C13orf42: variants seen among roughly 807,000 people sequenced by gnomAD.
The protein encoded by C13orf42 is chromosome 13 open reading frame 42, also known as uncharacterized protein C13orf42.
chr13:51,109,533 G>A lies in C13orf42; in HGVS notation c.414+1263C>T, dbSNP rs540300790. Among the ~76,000 whole-genome samples the A allele has an allele frequency of 3.9e-5, 6 of 152,154 alleles. No homozygotes were observed. The South Asian group carries it at 8.3e-4, about 21-fold the overall frequency. ...GGAGACCAAGGCGGGAGGACTGCTT[G>A]AGGTCAGGAGTTTGAGACCAGCCTG... On this transcript the variant is annotated intron_variant, in intron 1 of 3. Coordinates refer to ENST00000563710, the MANE Select transcript of C13orf42 (RefSeq NM_001351589.3).
chr13:51,135,946 C>T (rs574620804), intron 1 of C13orf42, among the ~76,000 whole-genome samples: 6 of 152,206 alleles, frequency 3.9e-5, no homozygotes, highest in East Asian at 1.9e-4. Context: ...GTCACACAGG[C>T]GACAGAAGAG....
At chr13:51,133,408 A>C (rs1408634350) in intron 1 of C13orf42, among the ~76,000 whole-genome samples, 2 of 152,234 alleles carry the variant, frequency 1.3e-5, no homozygotes, top group Non-Finnish European at 2.9e-5. Context: ...ATGTTTGCAC[A>C]ACATTGTGAA....
At chr13:51,162,631 G>A (rs1953875338) in intron 1 of C13orf42, among the ~76,000 whole-genome samples, 2 of 152,172 alleles carry the variant, frequency 1.3e-5, no homozygotes, top group African/African-American at 4.8e-5. Flanking sequence ...GGTTCTGGAT[G>A]ATATCTCTCT....
intron 1 of C13orf42, among the ~76,000 whole-genome samples, chr13:51,104,022 A>C (rs1953322452): frequency 6.6e-6 from 1 of 152,236 alleles, no homozygotes; most frequent in Non-Finnish European, 1.5e-5. Context: ...AAATAGTTAA[A>C]ATGGTAATAT....
At chr13:51,151,447 C>G (rs188220514) in intron 1 of C13orf42, among the ~76,000 whole-genome samples, 80 of 152,272 alleles carry the variant, frequency 5.3e-4, no homozygotes, top group African/African-American at 1.9e-3. Flanking sequence ...CTAGAAGGAA[C>G]TGAACCCTGC....
intron 1 of C13orf42, among the ~76,000 whole-genome samples, chr13:51,149,651 A>G (rs777106046): frequency 1.3e-5 from 2 of 152,226 alleles, no homozygotes; most frequent in African/African-American, 2.4e-5. Context: ...GAGGTAGCAC[A>G]AGGTAGACGC....
At chr13:51,107,281 T>C (rs1953368460) in intron 1 of C13orf42, among the ~76,000 whole-genome samples, 1 of 152,216 alleles carries the variant, frequency 6.6e-6, no homozygotes, top group Non-Finnish European at 1.5e-5. Context: ...TAATGGCTTG[T>C]GAAATCAAGT....
intron 1 of C13orf42, among the ~76,000 whole-genome samples, chr13:51,090,576 T>C (rs1953171598): frequency 6.6e-6 from 1 of 152,252 alleles, no homozygotes; most frequent in African/African-American, 2.4e-5. Context: ...TTTAGCTTAA[T>C]GCAAAGGTCT....
chr13:51,112,169 A>G (rs895920330), upstream of C13orf42, among the ~76,000 whole-genome samples: 1 of 152,210 alleles, frequency 6.6e-6, no homozygotes, highest in African/African-American at 2.4e-5. Context: ...TATTTTGTTC[A>G]TTCTTCTATG....
chr13:51,124,648 A>G (rs942738795), intron 1 of C13orf42, among the ~76,000 whole-genome samples: 3 of 152,242 alleles, frequency 2.0e-5, no homozygotes, highest in Non-Finnish European at 2.9e-5. Context: ...CATGGGGGCC[A>G]CAGCAGACAC....
At chr13:51,152,910 G>A (rs556659719) in intron 1 of C13orf42, among the ~76,000 whole-genome samples, 2 of 152,204 alleles carry the variant, frequency 1.3e-5, no homozygotes, top group East Asian at 3.9e-4. Context: ...TCCCATACAT[G>A]CAGAGCTGCG....
At chr13:51,164,627 TCCAG>T (rs1566143705) in intron 1 of C13orf42, among the ~76,000 whole-genome samples, 1 of 152,162 alleles carries the variant, frequency 6.6e-6, no homozygotes, top group African/African-American at 2.4e-5. Context: ...ACCACTGCGC[TCCAG>T]CCTGGGTGAC....
chr13:51,165,453 A>C (rs1953896066), intron 1 of C13orf42, among the ~76,000 whole-genome samples: 1 of 152,216 alleles, frequency 6.6e-6, no homozygotes, highest in South Asian at 2.1e-4. Flanking sequence ...TGACTAATGC[A>C]GGAAGAAGAC....
chr13:51,100,507 G>C (rs1339333684), intron 1 of C13orf42, among the ~76,000 whole-genome samples: 2 of 151,938 alleles, frequency 1.3e-5, no homozygotes, highest in Non-Finnish European at 2.9e-5. Flanking sequence ...AGACATGAAT[G>C]AACAATCCAC....
intron 1 of C13orf42, among the ~76,000 whole-genome samples, chr13:51,094,370 T>C (rs372416626): frequency 2.0e-5 from 3 of 152,238 alleles, no homozygotes; most frequent in Non-Finnish European, 4.4e-5. Context: ...GAGTTCATAC[T>C]GATATTTGCA....
At chr13:51,159,723 G>T (rs115533209) in intron 1 of C13orf42, among the ~76,000 whole-genome samples, 2 of 152,152 alleles carry the variant, frequency 1.3e-5, no homozygotes, top group East Asian at 3.9e-4. Context: ...AGCTGACTCC[G>T]AATATGCAAT....
At chr13:51,116,064 C>T (rs927928941), upstream of C13orf42, among the ~76,000 whole-genome samples, 9 of 147,466 alleles carry the variant, frequency 6.1e-5, no homozygotes, top group Non-Finnish European at 1.3e-4. Context: ...GCTTGGAAAC[C>T]TCTAATAAAA....
intron 1 of C13orf42, chr13:51,172,042 A>G (rs978980881): frequency 6.6e-6 from 1 of 152,128 alleles, no homozygotes; most frequent in African/African-American, 2.4e-5. Context: ...CCACTGTGAG[A>G]CAAACCCCAG....
chr13:51,143,861 T>C (rs994154605), intron 1 of C13orf42, among the ~76,000 whole-genome samples: 7 of 152,080 alleles, frequency 4.6e-5, no homozygotes, highest in Non-Finnish European at 1.0e-4. Flanking sequence ...TACAAAATGG[T>C]GTTTGGTTTT....
Sources: allele counts gnomAD v4.1 joint callset (sites outside exome capture counted in the v4.1 genomes callset), GRCh38; gene constraint gnomAD v4.1.1; transcripts MANE v1.5; gene names NCBI Gene and HGNC (gene_info 2026-07-23, HGNC 2026-07-21).